The following CALN1 variants were observed in gnomAD, a reference collection of about 807,000 sequenced individuals.
The protein encoded by CALN1 is calcium-binding protein 8.
In CALN1, 17 loss-of-function variants were observed where a neutral mutation model predicts 30.6. The observed-to-expected ratio is 0.56, with a 90% CI of 0.38 to 0.83. The LOEUF is 0.83. Among genes scored for constraint, CALN1 ranks in the 40% least tolerant of loss-of-function variants. The pLI is 0.00. For synonymous variants in CALN1, 156 were observed against 131.4 expected, an observed-to-expected ratio of 1.19 and a Z score of -1.28; for missense variants, 291 against 354.9, an observed-to-expected ratio of 0.82 and a Z score of 1.45.
chr7:72,101,446 T>G (rs1380787474), intron 4 of CALN1, among the ~76,000 whole-genome samples: 1 of 152,098 alleles, frequency 6.6e-6, no homozygotes, highest in African/African-American at 2.4e-5. Context: ...TTTTCAGAAA[T>G]ATCTCTAAAA....
At chr7:71,893,530 A>G (rs1352934560) in intron 5 of CALN1, among the ~76,000 whole-genome samples, 2 of 152,060 alleles carry the variant, frequency 1.3e-5, no homozygotes, top group African/African-American at 4.8e-5. Flanking sequence ...GTCTCTACTA[A>G]AAATACAAAA....
chr7:72,315,451 C>G (rs1468992774), intron 2 of CALN1, among the ~76,000 whole-genome samples: 1 of 152,054 alleles, frequency 6.6e-6, no homozygotes, highest in East Asian at 1.9e-4. Flanking sequence ...CTTTAGCTGT[C>G]AAATTTTGAA....
rs1031551970 is a variant in CALN1, at chr7:72,338,470, A to AGAGTGTGTGTGTGTGTGTGT, written c.120-59661_120-59660insACACACACACACACACACTC. Among the ~76,000 whole-genome samples, 243 of 74,786 alleles carry AGAGTGTGTGTGTGTGTGTGT rather than the reference A, an allele frequency of 3.2e-3. 7 individuals carry two copies. Among genetic ancestry groups the AGAGTGTGTGTGTGTGTGTGT allele is most frequent in the East Asian group, 7.1e-3 (17 of 2,386 alleles). 49.1% of individuals were successfully genotyped at this position (74,786 alleles called of 152,430 possible). A position where few individuals can be genotyped will look rare whatever the true frequency, so the allele number is the denominator to read the frequency against. ...GGGCGTTTTTGTCAGCCAGCAGCAC[A>AGAGTGTGTGTGTGTGTGTGT]GTGTGTGTGTGTGTGTGTGTGTGTG... On this transcript the variant is annotated intron_variant, in intron 2 of 6. Coordinates refer to ENST00000395275, the MANE Select transcript of CALN1 (RefSeq NM_031468.4).
intron 2 of CALN1, among the ~76,000 whole-genome samples, chr7:72,333,879 A>G (rs1801832635): frequency 6.6e-6 from 1 of 152,098 alleles, no homozygotes; most frequent in Non-Finnish European, 1.5e-5. Flanking sequence ...GCTGACCTAG[A>G]TTCACTCAAC....
In CALN1 at chr7:71,984,787, C is replaced by G. The variant is rs951895718; in HGVS notation, c.501+38870G>C. Among the ~76,000 whole-genome samples, 12 of 152,262 alleles carry G rather than the reference C, an allele frequency of 7.9e-5. 2 individuals are homozygous for G. In the South Asian group the frequency reaches 1.4e-3, roughly 18 times the overall value. On this transcript the variant is annotated intron_variant, in intron 5 of 6. Transcript: ENST00000395275. ...AACTTTAGCATACACTTAGAGTAAC[C>G]CTGTATGGCAAACACACCTGAATGA...
chr7:72,121,216 GTATTA>G (rs1808357583), intron 3 of CALN1, among the ~76,000 whole-genome samples: 3 of 138,108 alleles, frequency 2.2e-5, no homozygotes, highest in Non-Finnish European at 4.6e-5. Context: ...TCCATATTAT[GTATTA>G]TATAACTATA....
chr7:72,186,051 G>A (rs1027449559), intron 3 of CALN1, among the ~76,000 whole-genome samples: 1 of 152,232 alleles, frequency 6.6e-6, no homozygotes, highest in African/African-American at 2.4e-5. Context: ...AGGCCGGAGG[G>A]TGAGAGAAGG....
rs569982496 is a variant in CALN1, at chr7:71,887,990, G to A, written c.502-77498C>T. Among the ~76,000 whole-genome samples the A allele has an allele frequency of 2.2e-4, 33 of 152,190 alleles. 1 individual carries two copies. In the East Asian group the frequency reaches 5.8e-3, roughly 27 times the overall value. On this transcript the variant is annotated intron_variant, in intron 5 of 6. Coordinates refer to ENST00000395275, the MANE Select transcript of CALN1 (RefSeq NM_031468.4). ...TTGACATGTCTGTAGGGCAACTGGT[G>A]CATATGTGCATTAAACTTGCAACCA...
chr7:72,415,156 G>C (rs2909980), upstream of CALN1, among the ~76,000 whole-genome samples: 128,634 of 152,316 alleles, frequency 0.84, 54,847 homozygotes, highest in East Asian at 1. Context: ...AGCTGTTAAG[G>C]TATAGTTTAA....
At chr7:72,244,268 C>T (rs930357318) in intron 3 of CALN1, among the ~76,000 whole-genome samples, 7 of 152,012 alleles carry the variant, frequency 4.6e-5, no homozygotes, top group Admixed American at 1.3e-4. Context: ...TACTAGATTC[C>T]GATAAAACGA....
chr7:72,252,127 C>A (rs1417978542), intron 3 of CALN1, among the ~76,000 whole-genome samples: 1 of 152,100 alleles, frequency 6.6e-6, no homozygotes, highest in Non-Finnish European at 1.5e-5. Context: ...TTGGACTCAA[C>A]ACGTTCAATA....
chr7:72,174,493 T>C (rs1789193394), intron 3 of CALN1, among the ~76,000 whole-genome samples: 1 of 152,062 alleles, frequency 6.6e-6, no homozygotes, highest in Non-Finnish European at 1.5e-5. Context: ...AAAAACTAGC[T>C]AAACAAAAAA....
At chr7:72,179,637 A>C (rs1158865321) in intron 3 of CALN1, among the ~76,000 whole-genome samples, 2 of 152,184 alleles carry the variant, frequency 1.3e-5, no homozygotes, top group Non-Finnish European at 2.9e-5. Context: ...CCTAATTGTC[A>C]AACTTGCTCA....
chr7:72,175,288 T>C (rs1316109412), intron 3 of CALN1, among the ~76,000 whole-genome samples: 6 of 152,264 alleles, frequency 3.9e-5, no homozygotes, highest in Non-Finnish European at 5.9e-5. Context: ...TTAGCCAGGA[T>C]GGTCTCGATC....
chr7:72,039,963 G>T (rs1563001021), intron 4 of CALN1, among the ~76,000 whole-genome samples: 1 of 152,092 alleles, frequency 6.6e-6, no homozygotes, highest in Non-Finnish European at 1.5e-5. Context: ...CTCCAGCCCA[G>T]GCCTTTAAAC....
intron 5 of CALN1, among the ~76,000 whole-genome samples, chr7:71,833,077 G>T (rs1300842548): frequency 6.6e-6 from 1 of 152,158 alleles, no homozygotes; most frequent in Non-Finnish European, 1.5e-5. Flanking sequence ...TCTCTGACGT[G>T]TCCTTCTCCA....
intron 5 of CALN1, among the ~76,000 whole-genome samples, chr7:71,922,953 C>CAT (rs894955371): frequency 6.8e-6 from 1 of 147,946 alleles, no homozygotes; most frequent in African/African-American, 2.5e-5. Flanking sequence ...ATGATATGTA[C>CAT]ATATATAGAT....
chr7:72,082,282 C>T (rs774450600), intron 4 of CALN1, among the ~76,000 whole-genome samples: 9 of 151,996 alleles, frequency 5.9e-5, no homozygotes, highest in Non-Finnish European at 1.2e-4. Flanking sequence ...CACCTCGCTC[C>T]GCCGGAACAA....
At chr7:72,204,255 A>G (rs1292779803) in intron 3 of CALN1, among the ~76,000 whole-genome samples, 1 of 151,412 alleles carries the variant, frequency 6.6e-6, no homozygotes, top group African/African-American at 2.4e-5. Context: ...TCAGCCTCCC[A>G]AAGTGCTGGG....
Sources: gnomAD v4.1 joint callset for allele counts (sites outside exome capture counted in the v4.1 genomes callset) on GRCh38, gnomAD v4.1.1 for gene constraint, MANE v1.5 for transcripts, NCBI Gene and HGNC (gene_info 2026-07-23, HGNC 2026-07-21) for gene names.